The following ART5 variants were observed in gnomAD, a reference collection of about 807,000 sequenced individuals.
ART5 encodes the protein ecto-ADP-ribosyltransferase 5.
A neutral mutation model predicts 25.0 loss-of-function variants in ART5; 22 were observed. The ratio of observed to expected loss-of-function variants is 0.88; its 90% CI spans 0.63 to 1.26. The LOEUF is 1.26. ART5 is among the 50% of genes most tolerant of loss of function. The pLI is 0.00. For missense variants in ART5, 402 were observed against 372.8 expected, an observed-to-expected ratio of 1.08 and a Z score of -0.64; for synonymous variants, 161 against 154.8, an observed-to-expected ratio of 1.04 and a Z score of -0.30.
chr11:3,640,328 G>T lies in ART5; in HGVS notation c.101C>A (p.Thr34Asn), dbSNP rs561564695. ...PILPLGLAPD[T>N]FDDTYVGCAE... ...ACAACCCACATAGGTATCGTCAAAG[G>T]TGTCTGGAGCCAGGCCCAGGGGCAG... Residue 34 changes from threonine to asparagine, a missense_variant, in exon 2 of 4, where the codon ACC becomes AAC. By Grantham distance (65) the Thr-to-Asn change is moderately conservative. Transcript: ENST00000397068. 6 of 1,599,284 alleles carry T rather than the reference G, an allele frequency of 3.8e-6. No individual in the cohort carries two copies. Among genetic ancestry groups the T allele is most frequent in the African/African-American group, 1.4e-5 (1 of 70,502 alleles).
rs2077361537 is a variant in ART5 at position 3,639,636 on chromosome 11, G to C, written c.787+6C>G. 6.2e-7 allele frequency: 1 copy of C among 1,607,450 alleles called. No homozygotes were observed. The highest frequency in any genetic ancestry group is 8.5e-7 in the Non-Finnish European group (1 of 1,176,966). ...GCCAGTCCTGCTTCCCCCATGCACA[G>C]CTTACCACCCAGATAGGCGCAGTTA... On this transcript the variant is annotated splice_donor_region_variant and intron_variant, in intron 2 of 3. Transcript: ENST00000397068.
upstream of ART5, chr11:3,642,226 C>T (rs938305198): frequency 7.8e-6 from 9 of 1,147,840 alleles, no homozygotes; most frequent in East Asian, 5.2e-5. Flanking sequence ...AGGGCTCTGG[C>T]GGGCGCTGCG....
chr11:3,639,795 C>T lies in ART5; in HGVS notation c.634G>A (p.Ala212Thr), dbSNP rs2077364795. The stretch of plus-strand genomic sequence containing the variant: ...CGCTCCTTGGGAAAGACAGAGAAGG[C>T]CTGTATAGGGGCCCCAAAGCAAGTT... The part of the protein sequence containing the change: ...LTTCFGAPIQ[A>T]FSVFPKEREV... The change falls in exon 2 of 4, where the codon GCC becomes ACC. Residue 212 changes from alanine to threonine, a missense_variant. Transcript: ENST00000397068. The T allele has an allele frequency of 6.2e-7, 1 of 1,614,186 alleles. No homozygotes were observed. The highest frequency in any genetic ancestry group is 1.3e-5 in the African/African-American group (1 of 75,050).
At position 3,640,229 on chromosome 11, in the gene ART5, G is replaced by A. The variant is rs776663281; in HGVS notation, c.200C>T (p.Ser67Phe). 6.2e-7 allele frequency: 1 copy of A among 1,613,856 alleles called. No individual in the cohort carries two copies. The highest frequency in any genetic ancestry group is 8.5e-7 in the Non-Finnish European group (1 of 1,180,044). The change falls in exon 2 of 4, where the codon TCC becomes TTC. Residue 67 changes from serine (S) to phenylalanine (F), a missense_variant. Transcript: ENST00000397068. Reference protein sequence around the residue: ...EMAHHALLRESWEAAQETWED... With the variant: ...EMAHHALLREFWEAAQETWED... ...CCAGGTCTCCTGGGCTGCCTCCCAG[G>A]ATTCCCGCAGCAGGGCATGGTGGGC...
chr11:3,638,820 G>A, intron 3 of ART5, 27 bp from the exon 4 acceptor site: 3 of 1,614,124 alleles, frequency 1.9e-6, no homozygotes, highest in Non-Finnish European at 2.5e-6. Flanking sequence ...GGACTTTCAG[G>A]GCCCAACCCC....
chr11:3,639,321 CT>C (rs2077358204), intron 2 of ART5, among the ~76,000 whole-genome samples: 1 of 152,238 alleles, frequency 6.6e-6, no homozygotes, highest in South Asian at 2.1e-4. Flanking sequence ...CAGGGCCCCC[CT>C]GAGACCTGAA....
At chr11:3,642,057 G>A (rs1302160789), upstream of ART5, 3 of 1,422,310 alleles carry the variant, frequency 2.1e-6, no homozygotes, top group East Asian at 2.5e-5. Context: ...CCAAGTCTCC[G>A]CCCCCGACTC....
chr11:3,638,819 G>A, intron 3 of ART5, 26 bp from the exon 4 acceptor site: 1 of 1,614,146 alleles, frequency 6.2e-7, no homozygotes, highest in Non-Finnish European at 8.5e-7. Context: ...TGGACTTTCA[G>A]GGCCCAACCC....
upstream of ART5, chr11:3,642,062 C>T (rs976635523): frequency 3.5e-6 from 5 of 1,425,794 alleles, no homozygotes; most frequent in African/African-American, 5.8e-5. Context: ...TCTCCGCCCC[C>T]GACTCCCCAC....
At position 3,639,931 on chromosome 11, in the gene ART5, G is replaced by C. The variant is rs751867051; in HGVS notation, c.498C>G (p.Arg166=). 1.2e-6 allele frequency: 2 copies of C among 1,614,186 alleles called. No homozygotes were observed. Among genetic ancestry groups the C allele is most frequent in the Non-Finnish European group, 1.7e-6 (2 of 1,180,024 alleles). Residue 166 remains arginine (R), a synonymous_variant, in exon 2 of 4, where the codon CGC becomes CGG. Transcript: ENST00000397068. The part of the protein sequence containing the change: ...EVVFRGVGSL[R]FEPKRLGDSV... ...AGTCTCCCAGCCTCTTGGGTTCAAA[G>C]CGAAGGCTGCCCACACCTCGGAACA...
At position 3,641,888 on chromosome 11, in the gene ART5, G is replaced by A; in HGVS notation, c.-26C>T. On this transcript the variant is annotated 5_prime_UTR_variant, in exon 1 of 4. Coordinates refer to ENST00000397068, the MANE Select transcript of ART5 (RefSeq NM_053017.5). ...CCCTGGAGGAGACGTGAGGGCCAGG[G>A]GTCCGGGTGAGGGCGGGACCAGAGG... The A allele has an allele frequency of 1.3e-6, 2 of 1,557,834 alleles. No individual in the cohort carries two copies. Among genetic ancestry groups the A allele is most frequent in the South Asian group, 1.2e-5 (1 of 84,932 alleles).
chr11:3,639,637 C>G lies in ART5; in HGVS notation c.787+5G>C. 6.2e-7 allele frequency: 1 copy of G among 1,607,744 alleles called. No individual in the cohort carries two copies. The highest frequency in any genetic ancestry group is 8.5e-7 in the Non-Finnish European group (1 of 1,177,138). ...CCAGTCCTGCTTCCCCCATGCACAGCTTACCACCCAGATAGGCGCAGTTAA... is the reference window on the plus strand; with the variant it reads ...CCAGTCCTGCTTCCCCCATGCACAGGTTACCACCCAGATAGGCGCAGTTAA... On this transcript the variant is annotated splice_donor_5th_base_variant and intron_variant, in intron 2 of 3. Coordinates refer to ENST00000397068, the MANE Select transcript of ART5 (RefSeq NM_053017.5).
chr11:3,638,942 A>C (rs550052735), intron 3 of ART5, 61 bp downstream of exon 3: 1 of 1,576,554 alleles, frequency 6.3e-7, no homozygotes, highest in Non-Finnish European at 8.6e-7. Flanking sequence ...AAAGAGGAGG[A>C]AGGGGTCAGC....
intron 1 of ART5, 144 bp downstream of exon 1, chr11:3,641,662 G>A (rs72844325): frequency 2.8e-6 from 4 of 1,424,028 alleles, no homozygotes; most frequent in Admixed American, 4.6e-5. Context: ...AGAGATGGAG[G>A]TTCCTGAGAG....
upstream of ART5, chr11:3,642,311 C>T (rs973414191): frequency 5.0e-6 from 5 of 1,005,300 alleles, no homozygotes; most frequent in African/African-American, 1.7e-5. Flanking sequence ...GCGCTGGTAA[C>T]CCGACACCCC....
At chr11:3,642,312 C>T, upstream of ART5, 1 of 1,005,462 alleles carries the variant, frequency 9.9e-7, no homozygotes. Context: ...CGCTGGTAAC[C>T]CGACACCCCT....
chr11:3,641,213 C>T (rs966791197), intron 1 of ART5, among the ~76,000 whole-genome samples: 4 of 152,166 alleles, frequency 2.6e-5, no homozygotes, highest in African/African-American at 7.2e-5. Flanking sequence ...TTCTTGCAGT[C>T]GGTGGGAGGT....
In ART5 at chr11:3,641,955, C is replaced by T. The variant is rs867205495; in HGVS notation, c.-93G>A. Reference sequence around the variant, plus strand: ...TCGAGGGGCTGGAGGCAGATCTGGACCCTGTCTCCAGGCGCACGGGATCCC... The same window carrying T: ...TCGAGGGGCTGGAGGCAGATCTGGATCCTGTCTCCAGGCGCACGGGATCCC... On this transcript the variant is annotated 5_prime_UTR_variant, in exon 1 of 4. Transcript: ENST00000397068. The T allele has an allele frequency of 4.0e-6, 6 of 1,511,570 alleles. No individual in the cohort carries two copies. Among genetic ancestry groups the T allele is most frequent in the Non-Finnish European group, 4.4e-6 (5 of 1,128,368 alleles). The allele number at this position is 1,511,570 out of a possible 1,614,324, so 93.6% of individuals were successfully genotyped here. A position where few individuals can be genotyped will look rare whatever the true frequency, so the allele number is the denominator to read the frequency against.
intron 2 of ART5, among the ~76,000 whole-genome samples, chr11:3,639,363 T>C (rs1243574151): frequency 2.0e-5 from 3 of 152,222 alleles, no homozygotes; most frequent in African/African-American, 7.2e-5. Flanking sequence ...TGCTGCTTGC[T>C]AATCTCCTTA....
Sources: allele counts gnomAD v4.1 joint callset (sites outside exome capture counted in the v4.1 genomes callset), GRCh38; gene constraint gnomAD v4.1.1; transcripts MANE v1.5; gene names NCBI Gene and HGNC (gene_info 2026-07-23, HGNC 2026-07-21).